Variants in KIF13A observed in about 807,000 individuals in gnomAD.
The protein encoded by KIF13A is kinesin-like protein KIF13A.
Under a neutral mutation model 212.2 loss-of-function variants are expected in KIF13A, and 79 were observed. That is an observed-to-expected ratio of 0.37 (90% CI 0.31 to 0.45). The LOEUF (loss-of-function observed/expected upper bound fraction) is 0.45, where lower values mean the gene tolerates loss of function less well. Among genes scored for constraint, KIF13A ranks in the 20% least tolerant of loss-of-function variants. KIF13A has a pLI of 1.00. For synonymous variants in KIF13A, 789 were observed against 808.6 expected (o/e 0.98, Z 0.41); for missense variants, 1,901 against 2,209.0 (o/e 0.86, Z 2.79).
intron 6 of KIF13A, among the ~76,000 whole-genome samples, chr6:17,853,682 A>G (rs1767873289): frequency 6.6e-6 from 1 of 152,248 alleles, no homozygotes; most frequent in Non-Finnish European, 1.5e-5. Flanking sequence ...ATATATAAGA[A>G]TAAATGAATC....
chr6:17,954,737 G>A (rs760381162), intron 2 of KIF13A, among the ~76,000 whole-genome samples: 2 of 152,010 alleles, frequency 1.3e-5, no homozygotes, highest in Admixed American at 6.6e-5. Flanking sequence ...GCAGTGTTGC[G>A]ACCATAGCTC....
chr6:17,827,136 C>T (rs948031361), intron 14 of KIF13A, among the ~76,000 whole-genome samples: 1 of 151,888 alleles, frequency 6.6e-6, no homozygotes, highest in East Asian at 1.9e-4. Context: ...CTCTGGTTGT[C>T]CAGGCTGGAG....
chr6:17,803,272 G>T (rs1581351439), intron 20 of KIF13A, among the ~76,000 whole-genome samples: 2 of 151,962 alleles, frequency 1.3e-5, no homozygotes, highest in Admixed American at 1.3e-4. Context: ...TTTAGACATG[G>T]GGTCTCATAG....
At position 17,828,718 on chromosome 6, in the gene KIF13A, A is replaced by C. The variant is rs1765181832; in HGVS notation, c.1402-348T>G. On this transcript the variant is annotated intron_variant, in intron 13 of 38. Transcript: ENST00000259711. This position sits in a 1 kb window ranked among gnomAD's most constrained non-coding sequence, Gnocchi z 4.3. ...TGAGCCTCAGTTTCTTTGTTGGCAA[A>C]ACCAGAATAATATTATCTATTTCAC... Among the ~76,000 whole-genome samples, 1 of 152,158 alleles carries C rather than the reference A, an allele frequency of 6.6e-6. No homozygotes were observed. Among genetic ancestry groups the C allele is most frequent in the Admixed American group, 6.6e-5 (1 of 15,262 alleles).
Position 17,799,499 on chromosome 6 carries a change from G to T in KIF13A, c.2617-60C>A. On this transcript the variant is annotated intron_variant, in intron 21 of 38. Transcript: ENST00000259711. This position sits in a 1 kb window ranked among gnomAD's most constrained non-coding sequence, Gnocchi z 4.4. ...GAACACTAAACATTCTTTCATTTCA[G>T]CTACCTCAAATTTAAGAGTAAGCGA... The T allele has an allele frequency of 3.0e-6, 4 of 1,337,438 alleles. No individual in the cohort carries two copies. The South Asian group carries it at 4.9e-5, about 16-fold the overall frequency. 82.8% of individuals were successfully genotyped at this position (1,337,438 alleles called of 1,614,324 possible).
chr6:17,774,978 T>G, intron 35 of KIF13A, 37 bp downstream of exon 35: 1 of 1,553,092 alleles, frequency 6.4e-7, no homozygotes, highest in South Asian at 1.2e-5. Flanking sequence ...CAGACTAAGA[T>G]TCTACTAAAA....
intron 9 of KIF13A, among the ~76,000 whole-genome samples, chr6:17,848,994 T>C (rs963176114): frequency 1.3e-5 from 2 of 152,210 alleles, no homozygotes; most frequent in Non-Finnish European, 2.9e-5. Flanking sequence ...CTTGATTCAC[T>C]GCAACCTCCA....
chr6:17,830,409 T>TAA (rs567741506), intron 13 of KIF13A, among the ~76,000 whole-genome samples: 334 of 152,292 alleles, frequency 2.2e-3, no homozygotes, highest in African/African-American at 7.1e-3. Flanking sequence ...TCCAATACAG[T>TAA]AAACACGGAT....
chr6:17,760,916 C>T (rs1258615556), downstream of KIF13A: 2 of 1,609,664 alleles, frequency 1.2e-6, no homozygotes, highest in African/African-American at 2.7e-5. Context: ...CTTCTCATCC[C>T]CACCTCCCCA....
intron 4 of KIF13A, among the ~76,000 whole-genome samples, chr6:17,870,501 CAGA>C (rs1043543898): frequency 6.6e-6 from 1 of 151,320 alleles, no homozygotes; most frequent in Non-Finnish European, 1.5e-5. Flanking sequence ...TGATATATTG[CAGA>C]AGGCTAGAGT....
chr6:17,822,043 C>CTTTTTTTTTTTTTTTTT (rs565299308), intron 16 of KIF13A: 1 of 526,634 alleles, frequency 1.9e-6, no homozygotes, highest in Non-Finnish European at 3.0e-6. Context: ...AACATAACTT[C>CTTTTTTTTTTTTTTTTT]TTTTTTTTTT....
At chr6:17,822,325 G>A (rs956145608) in intron 16 of KIF13A, among the ~76,000 whole-genome samples, 3 of 152,098 alleles carry the variant, frequency 2.0e-5, no homozygotes, top group South Asian at 4.1e-4. Context: ...TTACAAGCAT[G>A]AGCCACTGCA....
In KIF13A at chr6:17,837,264, TTCA is replaced by T. The variant is rs1766050915; in HGVS notation, c.943-177_943-175del. ...CAAGATGAAATGTGTCCTCTCTATA[TTCA>T]AGCAATGAATAAGGCCTGTCAAACA... On this transcript the variant is annotated intron_variant, in intron 10 of 38. Transcript: ENST00000259711. The surrounding 1 kb of genome is among the most constrained non-coding windows in gnomAD (Gnocchi z 5.4). Among the ~76,000 whole-genome samples, 1 of 152,394 alleles carries T rather than the reference TTCA, an allele frequency of 6.6e-6. No individual in the cohort carries two copies. Among genetic ancestry groups the T allele is most frequent in the African/African-American group, 2.4e-5 (1 of 41,598 alleles).
Position 17,968,188 on chromosome 6 carries a change from C to T in KIF13A, c.146+18866G>A, listed in dbSNP as rs1208478957. ...CAATGGCCAATTAGGAACCAGAGAA[C>T]GAGAAGAACCCAGAGATCCCCGCTT... On this transcript the variant is annotated intron_variant, in intron 2 of 38. Coordinates refer to ENST00000259711, the MANE Select transcript of KIF13A (RefSeq NM_022113.6). This position sits in a 1 kb window ranked among gnomAD's most constrained non-coding sequence, Gnocchi z 4.7. Among the ~76,000 whole-genome samples, 5 of 152,100 alleles carry T rather than the reference C, an allele frequency of 3.3e-5. No homozygotes were observed. Among genetic ancestry groups the T allele is most frequent in the African/African-American group, 7.2e-5 (3 of 41,392 alleles).
At chr6:17,793,371 C>A (rs187569613) in intron 25 of KIF13A, among the ~76,000 whole-genome samples, 12 of 152,036 alleles carry the variant, frequency 7.9e-5, no homozygotes, top group African/African-American at 2.2e-4. Flanking sequence ...CATGAGCAAC[C>A]GCGCCTGGCC....
chr6:17,888,956 G>T lies in KIF13A; in HGVS notation c.159+9212C>A. ...GTCTTCTAAATCTAGCATATATTTT[G>T]TACTTAATCTCGAGCAACACCAGTC... On this transcript the variant is annotated intron_variant, in intron 3 of 38. Coordinates refer to ENST00000259711, the MANE Select transcript of KIF13A (RefSeq NM_022113.6). The surrounding 1 kb of genome is among the most constrained non-coding windows in gnomAD (Gnocchi z 4.8). Among the ~76,000 whole-genome samples, 1 of 151,838 alleles carries T rather than the reference G, an allele frequency of 6.6e-6. No homozygotes were observed. Among genetic ancestry groups the T allele is most frequent in the Non-Finnish European group, 1.5e-5 (1 of 67,976 alleles).
chr6:17,782,418 A>G (rs907186280), intron 29 of KIF13A, among the ~76,000 whole-genome samples: 7 of 151,846 alleles, frequency 4.6e-5, no homozygotes, highest in African/African-American at 1.7e-4. Flanking sequence ...TGGGTGGATC[A>G]CGAGGTCAGG....
At chr6:17,873,747 C>T (rs752360992) in intron 3 of KIF13A, among the ~76,000 whole-genome samples, 4 of 151,930 alleles carry the variant, frequency 2.6e-5, no homozygotes, top group Admixed American at 2.6e-4. Flanking sequence ...GCCACCATAT[C>T]GAGCAATTAA....
At position 17,771,242 on chromosome 6, in the gene KIF13A, T is replaced by C. The variant is rs771582508; in HGVS notation, c.4477-24A>G. 2.0e-6 allele frequency: 3 copies of C among 1,514,574 alleles called. No individual in the cohort carries two copies. In the South Asian group the frequency reaches 3.4e-5, roughly 17 times the overall value. The allele number at this position is 1,514,574 out of a possible 1,614,324, so 93.8% of individuals were successfully genotyped here. A position where few individuals can be genotyped will look rare whatever the true frequency, so the allele number is the denominator to read the frequency against. On this transcript the variant is annotated intron_variant, in intron 37 of 38. Transcript: ENST00000259711. This position sits in a 1 kb window ranked among gnomAD's most constrained non-coding sequence, Gnocchi z 5.4. ...CTCTGCAAAGGTTAAGACACACAGA[T>C]GCATCACACACAAAGACGACAACGG...
Sources: gnomAD v4.1 joint callset for allele counts (sites outside exome capture counted in the v4.1 genomes callset) on GRCh38, gnomAD v4.1.1 for gene constraint, Gnocchi (gnomAD v3.1) non-coding constraint, MANE v1.5 for transcripts, NCBI Gene and HGNC (gene_info 2026-07-23, HGNC 2026-07-21) for gene names.